GAGE10: variants seen among roughly 807,000 people sequenced by gnomAD.
GAGE10 encodes G antigen 10.
GAGE10 carries 9 observed loss-of-function variants against 11.5 expected under a neutral mutation model. The observed-to-expected ratio is 0.78, with a 90% confidence interval of 0.47 to 1.37. The LOEUF (loss-of-function observed/expected upper bound fraction) is 1.37, where lower values mean the gene tolerates loss of function less well. Among genes scored for constraint, GAGE10 ranks in the 40% most tolerant of loss-of-function variants. The pLI, the probability that GAGE10 is intolerant of heterozygous loss-of-function variation, is 0.00. For missense variants in GAGE10, 83 were observed against 92.9 expected (o/e 0.89, Z 0.44); for synonymous variants, 23 against 29.7 (o/e 0.77, Z 0.73).
chrX:49,308,606 G>A (rs2066365377), intron 3 of GAGE10, among the ~76,000 whole-genome samples: 1 of 112,442 alleles, frequency 8.9e-6, no homozygotes, highest in Non-Finnish European at 1.9e-5. Context: ...GGCAGCAGGA[G>A]TGGCCTGCCA....
chrX:49,305,672 TTGAC>T (rs1264649299), intron 3 of GAGE10, 148 bp downstream of exon 3: 1 of 938,142 alleles, frequency 1.1e-6, no homozygotes, highest in Admixed American at 3.9e-5. Context: ...ATGCCTGAAA[TTGAC>T]TGGAAAAGCG....
At chrX:49,314,961 A>G (rs782553348) in intron 3 of GAGE10, among the ~76,000 whole-genome samples, 3 of 112,249 alleles carry the variant, frequency 2.7e-5, no homozygotes, top group African/African-American at 3.2e-5. Flanking sequence ...AAAGGCTTTC[A>G]CAGAGAGAGT....
chrX:49,313,788 A>G (rs1385316169), intron 3 of GAGE10, among the ~76,000 whole-genome samples: 1 of 111,404 alleles, frequency 9.0e-6, no homozygotes, highest in Non-Finnish European at 1.9e-5. Flanking sequence ...AACAAGACCC[A>G]GATTGTCCCA....
intron 3 of GAGE10, among the ~76,000 whole-genome samples, chrX:49,309,366 G>T (rs2066368386): frequency 8.9e-6 from 1 of 112,494 alleles, no homozygotes; most frequent in Admixed American, 9.3e-5. Flanking sequence ...CAGATGGCGG[G>T]CCGAAGGCAC....
At chrX:49,317,797 G>T (rs1239715528) in intron 4 of GAGE10, among the ~76,000 whole-genome samples, 1 of 106,266 alleles carries the variant, frequency 9.4e-6, no homozygotes, top group Non-Finnish European at 1.9e-5. Context: ...AAGCTATGTT[G>T]AATTAAAAGT....
At chrX:49,314,486 G>A (rs2147988121) in intron 3 of GAGE10, among the ~76,000 whole-genome samples, 1 of 112,519 alleles carries the variant, frequency 8.9e-6, no homozygotes, top group Admixed American at 9.4e-5. Flanking sequence ...CAAATTGTAA[G>A]ACAAGGACAT....
chrX:49,319,512 T>A (rs5953294), intron 4 of GAGE10, among the ~76,000 whole-genome samples: 4,304 of 95,078 alleles, frequency 0.045, no homozygotes, highest in Non-Finnish European at 0.084. Flanking sequence ...AAGGAAGCAC[T>A]TGATGTTCAG....
chrX:49,312,832 T>C (rs782758641), intron 3 of GAGE10, among the ~76,000 whole-genome samples: 1 of 112,737 alleles, frequency 8.9e-6, no homozygotes, highest in South Asian at 3.7e-4. Context: ...ACTAGAAACT[T>C]TGATAGGTCG....
At chrX:49,306,270 A>G (rs781841590) in intron 3 of GAGE10, among the ~76,000 whole-genome samples, 1 of 112,192 alleles carries the variant, frequency 8.9e-6, no homozygotes, top group Non-Finnish European at 1.9e-5. Context: ...ACTGTTAAAA[A>G]TTTCTAGAAT....
chrX:49,306,640 T>G (rs782434618), intron 3 of GAGE10, among the ~76,000 whole-genome samples: 2 of 111,476 alleles, frequency 1.8e-5, no homozygotes, highest in Non-Finnish European at 3.8e-5. Context: ...CGGTACTCTA[T>G]GGCTGAATAT....
rs1401984724 is a variant in GAGE10 at position 49,317,237 on chromosome X, G to A, written c.277G>A (p.Gly93Ser). ...GTGTGAGTGTGGAGATGGTCCTGATGGCCAGGAGATGGGCCTGCCAAATCC... is the reference window on the plus strand; with the variant it reads ...GTGTGAGTGTGGAGATGGTCCTGATAGCCAGGAGATGGGCCTGCCAAATCC... ...TGCECGDGPD[G>S]QEMGLPNPEE... The change falls in exon 4 of 5, where the codon GGC (glycine) becomes AGC (serine). Residue 93 changes from glycine (G) to serine (S), a missense_variant. Gly to Ser is a moderately conservative substitution (Grantham distance 56). This residue lies in a region of GAGE10 where 66 missense variants were observed against 35.4 expected (regional missense o/e 1.87). Coordinates refer to ENST00000407599, the MANE Select transcript of GAGE10 (RefSeq NM_001098413.4). The A allele has an allele frequency of 3.7e-5, 45 of 1,206,273 alleles. No individual in the cohort carries two copies. Among genetic ancestry groups the A allele is most frequent in the Non-Finnish European group, 4.6e-5 (41 of 892,833 alleles).
At chrX:49,314,825 G>A (rs1429248526) in intron 3 of GAGE10, among the ~76,000 whole-genome samples, 2 of 111,930 alleles carry the variant, frequency 1.8e-5, no homozygotes, top group Non-Finnish European at 3.8e-5. Context: ...GGCCATGGGA[G>A]GCAAAGGAAT....
intron 3 of GAGE10, among the ~76,000 whole-genome samples, chrX:49,307,241 C>T (rs1479171234): frequency 9.0e-6 from 1 of 111,617 alleles, no homozygotes; most frequent in African/African-American, 3.3e-5. Context: ...CACACACATA[C>T]AGATATATGT....
At position 49,317,250 on chromosome X, in the gene GAGE10, G is replaced by A. The variant is rs199839509; in HGVS notation, c.290G>A (p.Gly97Asp). Residue 97 changes from glycine (G) to aspartate (D), a missense_variant, in exon 4 of 5, where the codon GGC becomes GAC. Physicochemically the swap from Gly to Asp is moderately conservative, Grantham distance 94. Coordinates refer to ENST00000407599, the MANE Select transcript of GAGE10 (RefSeq NM_001098413.4). ...CGDGPDGQEM[G>D]LPNPEEVKRP... ...GATGGTCCTGATGGCCAGGAGATGG[G>A]CCTGCCAAATCCAGAGGAGGTGAAA... 8.3e-7 allele frequency: 1 copy of A among 1,206,045 alleles called. No homozygotes were observed. Among genetic ancestry groups the A allele is most frequent in the South Asian group, 1.8e-5 (1 of 56,738 alleles).
intron 3 of GAGE10, among the ~76,000 whole-genome samples, chrX:49,309,033 C>T (rs782171260): frequency 4.5e-5 from 5 of 111,805 alleles, no homozygotes; most frequent in East Asian, 2.8e-4. Context: ...GAGGCAAGTG[C>T]GGGGGAAATC....
At chrX:49,317,537 A>G (rs1398911636) in intron 4 of GAGE10, among the ~76,000 whole-genome samples, 1 of 111,353 alleles carries the variant, frequency 9.0e-6, no homozygotes, top group Non-Finnish European at 1.9e-5. Flanking sequence ...TAGTAGAGAC[A>G]GGGTTTCATT....
At chrX:49,311,090 A>G (rs2066375204) in intron 3 of GAGE10, among the ~76,000 whole-genome samples, 1 of 111,119 alleles carries the variant, frequency 9.0e-6, no homozygotes, top group South Asian at 3.8e-4. Flanking sequence ...ATAAGTGGGG[A>G]ATGCTTTTCA....
intron 3 of GAGE10, among the ~76,000 whole-genome samples, chrX:49,315,746 G>A (rs1469665866): frequency 8.9e-6 from 1 of 112,245 alleles, no homozygotes; most frequent in Non-Finnish European, 1.9e-5. Context: ...GACTTGGTCC[G>A]GATGGTCCTT....
chrX:49,317,159 T>A lies in GAGE10; in HGVS notation c.203-4T>A. 1 of 1,200,996 alleles carries A rather than the reference T, an allele frequency of 8.3e-7. No homozygotes were observed. The highest frequency in any genetic ancestry group is 1.8e-5 in the South Asian group (1 of 56,551). ...TAAATTGATATGTATTTTTTATTTTTAATGGCCGAAGCCTGAAGCTGATAG... is the reference window on the plus strand; with the variant it reads ...TAAATTGATATGTATTTTTTATTTTAAATGGCCGAAGCCTGAAGCTGATAG... On this transcript the variant is annotated splice_polypyrimidine_tract_variant and splice_region_variant and intron_variant, in intron 3 of 4. Coordinates refer to ENST00000407599, the MANE Select transcript of GAGE10 (RefSeq NM_001098413.4).
Sources: gnomAD v4.1 joint callset for allele counts (sites outside exome capture counted in the v4.1 genomes callset) on GRCh38, gnomAD v4.1.1 for gene constraint, gnomAD v4.1.1 regional missense constraint, MANE v1.5 for transcripts, NCBI Gene and HGNC (gene_info 2026-07-23, HGNC 2026-07-21) for gene names.